PACC1: variants seen among roughly 807,000 people sequenced by gnomAD.
PACC1 encodes the protein proton-activated chloride channel.
PACC1 carries 34 observed loss-of-function variants against 39.7 expected under a neutral mutation model. That is an observed-to-expected ratio of 0.86 (90% CI 0.65 to 1.14). PACC1 has a LOEUF of 1.14. PACC1 is among the 50% of genes most tolerant of loss of function. PACC1 has a pLI of 0.00. For synonymous variants in PACC1, 127 were observed against 160.6 expected, an observed-to-expected ratio of 0.79 and a Z score of 1.58; for missense variants, 379 against 436.4, an observed-to-expected ratio of 0.87 and a Z score of 1.17.
In PACC1 at chr1:212,391,610, G is replaced by C. The variant is rs139360911; in HGVS notation, c.134-4510C>G. Reference sequence around the variant, plus strand: ...GGACAGAGAATGACTTTGATGTGTTGAGAGAAGAAGTCTTCAGACGATCAA... The same window carrying C: ...GGACAGAGAATGACTTTGATGTGTTCAGAGAAGAAGTCTTCAGACGATCAA... On this transcript the variant is annotated intron_variant, in intron 2 of 7. Coordinates refer to ENST00000261455, the MANE Select transcript of PACC1 (RefSeq NM_018252.3). Among the ~76,000 whole-genome samples the C allele has an allele frequency of 7.8e-3, 1,188 of 152,332 alleles. 17 individuals are homozygous for C. The highest frequency in any genetic ancestry group is 0.027 in the African/African-American group (1,118 of 41,568).
At chr1:212,366,903 G>A (rs1660265926) in intron 7 of PACC1, among the ~76,000 whole-genome samples, 1 of 152,172 alleles carries the variant, frequency 6.6e-6, no homozygotes, top group Admixed American at 6.5e-5. Context: ...ATCCCCACCT[G>A]GGGGTGGAAG....
intron 2 of PACC1, among the ~76,000 whole-genome samples, chr1:212,396,092 T>C (rs1040361783): frequency 6.6e-6 from 1 of 152,198 alleles, no homozygotes; most frequent in South Asian, 2.1e-4. Context: ...ACTGGGTATA[T>C]ACCCAAAGGA....
intron 1 of PACC1, among the ~76,000 whole-genome samples, chr1:212,414,279 G>T (rs946644397): frequency 6.6e-6 from 1 of 152,236 alleles, no homozygotes; most frequent in African/African-American, 2.4e-5. Flanking sequence ...TGGGCTTGGA[G>T]GGGGAGGATG....
At chr1:212,397,483 T>C (rs887700543) in intron 2 of PACC1, among the ~76,000 whole-genome samples, 1 of 152,242 alleles carries the variant, frequency 6.6e-6, no homozygotes, top group African/African-American at 2.4e-5. Context: ...TTAATTTTAC[T>C]TTATTTAAAG....
At chr1:212,377,436 C>T (rs997593533) in intron 6 of PACC1, 126 bp downstream of exon 6, 31 of 1,327,106 alleles carry the variant, frequency 2.3e-5, no homozygotes, top group African/African-American at 2.9e-5. Context: ...CCCTTCTCAT[C>T]CTGACCAAGG....
chr1:212,400,480 T>C (rs145685457), intron 2 of PACC1, among the ~76,000 whole-genome samples: 1 of 152,302 alleles, frequency 6.6e-6, no homozygotes, highest in African/African-American at 2.4e-5. Flanking sequence ...GAAGCCAAGT[T>C]TAGCTTCTTT....
intron 2 of PACC1, among the ~76,000 whole-genome samples, chr1:212,391,943 T>A (rs913030335): frequency 6.6e-6 from 1 of 151,970 alleles, no homozygotes; most frequent in Non-Finnish European, 1.5e-5. Flanking sequence ...TGGGACTATG[T>A]GAAAAGACCA....
At chr1:212,406,056 A>G (rs1661898795) in intron 2 of PACC1, among the ~76,000 whole-genome samples, 1 of 140,706 alleles carries the variant, frequency 7.1e-6, no homozygotes. Context: ...ATGAGCCATG[A>G]TCACACCACT....
At chr1:212,368,808 G>A (rs183436612) in intron 7 of PACC1, among the ~76,000 whole-genome samples, 13 of 152,094 alleles carry the variant, frequency 8.5e-5, no homozygotes, top group African/African-American at 2.2e-4. Flanking sequence ...CGAGGCGGGC[G>A]GATCACAAGG....
At chr1:212,411,831 G>A (rs1662136937) in intron 1 of PACC1, among the ~76,000 whole-genome samples, 1 of 152,062 alleles carries the variant, frequency 6.6e-6, no homozygotes, top group South Asian at 2.1e-4. Context: ...TAAAGCCCTC[G>A]AAGCACAAAA....
intron 2 of PACC1, among the ~76,000 whole-genome samples, chr1:212,396,573 T>TAA (rs955902175): frequency 6.7e-6 from 1 of 149,010 alleles, no homozygotes; most frequent in African/African-American, 2.5e-5. Flanking sequence ...CCCTAGAACT[T>TAA]AAAGTATAAT....
intron 4 of PACC1, 97 bp downstream of exon 4, chr1:212,385,177 T>A: frequency 7.1e-7 from 1 of 1,401,730 alleles, no homozygotes. Context: ...ACTGAGTGAG[T>A]GGAAGAAGGA....
chr1:212,397,852 T>C (rs1661578386), intron 2 of PACC1, among the ~76,000 whole-genome samples: 1 of 152,238 alleles, frequency 6.6e-6, no homozygotes, highest in African/African-American at 2.4e-5. Context: ...TATTCATTTA[T>C]TTTCTGACTG....
chr1:212,388,630 A>G (rs1661191494), intron 2 of PACC1, among the ~76,000 whole-genome samples: 1 of 152,222 alleles, frequency 6.6e-6, no homozygotes, highest in African/African-American at 2.4e-5. Context: ...TGAGGACACA[A>G]TGAGAAGGCA....
intron 2 of PACC1, among the ~76,000 whole-genome samples, chr1:212,401,273 C>G (rs1661699861): frequency 6.6e-6 from 1 of 152,076 alleles, no homozygotes; most frequent in Admixed American, 6.5e-5. Flanking sequence ...TTTGCCTGTT[C>G]TGAACATTTC....
intron 2 of PACC1, among the ~76,000 whole-genome samples, chr1:212,391,577 A>G (rs1661321091): frequency 6.6e-6 from 1 of 152,258 alleles, no homozygotes; most frequent in Non-Finnish European, 1.5e-5. Context: ...CAGCAACGGA[A>G]CAAAGCTGGA....
intron 5 of PACC1, 98 bp from the exon 6 acceptor site, chr1:212,377,804 C>G: frequency 7.5e-7 from 1 of 1,326,986 alleles, no homozygotes; most frequent in Non-Finnish European, 1.0e-6. Context: ...CTGGCACAAC[C>G]AGGATGCTGC....
At chr1:212,381,019 A>G (rs2102487570) in intron 4 of PACC1, among the ~76,000 whole-genome samples, 1 of 152,362 alleles carries the variant, frequency 6.6e-6, no homozygotes, top group South Asian at 2.1e-4. Context: ...GTACACTGTC[A>G]GTTACAAAGT....
intron 7 of PACC1, among the ~76,000 whole-genome samples, chr1:212,371,795 C>T (rs965923346): frequency 6.6e-6 from 1 of 152,054 alleles, no homozygotes; most frequent in African/African-American, 2.4e-5. Flanking sequence ...ATCAGCCAAC[C>T]AAATTCAATA....
Sources: allele counts gnomAD v4.1 joint callset (sites outside exome capture counted in the v4.1 genomes callset), GRCh38; gene constraint gnomAD v4.1.1; transcripts MANE v1.5; gene names NCBI Gene and HGNC (gene_info 2026-07-23, HGNC 2026-07-21).